The following CFAP95 variants were observed in gnomAD, a reference collection of about 807,000 sequenced individuals.
The protein encoded by CFAP95 is cilia- and flagella-associated protein 95.
chr9:69,891,904 G>A, the CFAP95 span, among the ~76,000 whole-genome samples: 1 of 152,090 alleles, frequency 6.6e-6, no homozygotes, highest in South Asian at 2.1e-4. Flanking sequence ...CCACTGGGAA[G>A]CACTCTTGGA....
the CFAP95 span, among the ~76,000 whole-genome samples, chr9:69,843,529 TCCTCCTCCTCCTCCTCCTCCTCCTC>T: frequency 5.2e-5 from 1 of 19,372 alleles, no homozygotes; most frequent in African/African-American, 2.0e-4. Context: ...CTCCTCCTCC[TCCTCCTCCTCCTCCTCCTCCTCCTC>T]CTCCTTCTTC....
chr9:69,893,104 A>G, the CFAP95 span, among the ~76,000 whole-genome samples: 1 of 152,230 alleles, frequency 6.6e-6, no homozygotes, highest in Non-Finnish European at 1.5e-5. Context: ...CTAAGACAGT[A>G]CACTTTAACA....
the CFAP95 span, among the ~76,000 whole-genome samples, chr9:69,855,076 TTC>T: frequency 6.6e-6 from 1 of 152,224 alleles, no homozygotes; most frequent in Admixed American, 6.5e-5. Context: ...TGTTTTTCCC[TTC>T]TGAGACCATG....
At chr9:69,868,676 A>AG in the CFAP95 span, among the ~76,000 whole-genome samples, 1 of 150,920 alleles carries the variant, frequency 6.6e-6, no homozygotes, top group Non-Finnish European at 1.5e-5. Context: ...AAAAAAAAAA[A>AG]ACCAAAAACA....
At chr9:69,888,223 G>T in the CFAP95 span, among the ~76,000 whole-genome samples, 1 of 152,006 alleles carries the variant, frequency 6.6e-6, no homozygotes, top group South Asian at 2.1e-4. Context: ...GTTTTGAAAA[G>T]GTAGCATAAC....
the CFAP95 span, among the ~76,000 whole-genome samples, chr9:69,821,606 T>C: frequency 1.3e-5 from 2 of 152,054 alleles, no homozygotes; most frequent in African/African-American, 2.4e-5. Context: ...GGGGGTAGGG[T>C]GTACATGGAG....
At chr9:69,830,715 A>C in the CFAP95 span, among the ~76,000 whole-genome samples, 6 of 152,190 alleles carry the variant, frequency 3.9e-5, no homozygotes, top group Non-Finnish European at 7.3e-5. Context: ...TGGCTCAATC[A>C]TAGCTCATGG....
chr9:69,826,008 C>G, the CFAP95 span, among the ~76,000 whole-genome samples: 2 of 151,956 alleles, frequency 1.3e-5, no homozygotes, highest in Non-Finnish European at 2.9e-5. Flanking sequence ...CTTCCTGTCT[C>G]CTATAGGAAG....
At chr9:69,863,108 G>A in the CFAP95 span, among the ~76,000 whole-genome samples, 1 of 152,196 alleles carries the variant, frequency 6.6e-6, no homozygotes, top group East Asian at 1.9e-4. Flanking sequence ...TAGACTTTGA[G>A]TCCCGATTGA....
the CFAP95 span, among the ~76,000 whole-genome samples, chr9:69,851,221 G>A: frequency 1.3e-5 from 2 of 152,012 alleles, no homozygotes; most frequent in African/African-American, 2.4e-5. Flanking sequence ...ACACCCGCAC[G>A]CACAAACATG....
the CFAP95 span, among the ~76,000 whole-genome samples, chr9:69,905,307 GT>G: frequency 6.6e-6 from 1 of 152,188 alleles, no homozygotes; most frequent in African/African-American, 2.4e-5. Flanking sequence ...TAGATAATCA[GT>G]TAAAAGTCTT....
the CFAP95 span, among the ~76,000 whole-genome samples, chr9:69,880,304 C>T: frequency 5.3e-5 from 8 of 152,274 alleles, no homozygotes; most frequent in East Asian, 3.9e-4. Flanking sequence ...CTTCCCTGCC[C>T]TGACTATCCT....
chr9:69,879,228 G>C, the CFAP95 span, among the ~76,000 whole-genome samples: 1 of 152,146 alleles, frequency 6.6e-6, no homozygotes, highest in African/African-American at 2.4e-5. Flanking sequence ...AGTAGATAAT[G>C]ATCTTTGTAA....
chr9:69,905,687 T>G, the CFAP95 span, among the ~76,000 whole-genome samples: 1 of 152,234 alleles, frequency 6.6e-6, no homozygotes, highest in Non-Finnish European at 1.5e-5. Context: ...GCTGTGTATT[T>G]GTGGTTTAGA....
chr9:69,902,394 T>C, the CFAP95 span: 1 of 448,038 alleles, frequency 2.2e-6, no homozygotes. Flanking sequence ...AAACTGTGAG[T>C]GGGATTACAA....
chr9:69,882,730 G>A, the CFAP95 span, among the ~76,000 whole-genome samples: 5 of 152,226 alleles, frequency 3.3e-5, no homozygotes, highest in East Asian at 9.6e-4. Flanking sequence ...CCTTCATTCT[G>A]TTGATATGAT....
chr9:69,866,158 G>A, the CFAP95 span, among the ~76,000 whole-genome samples: 1 of 152,194 alleles, frequency 6.6e-6, no homozygotes. Context: ...TAAACATGGA[G>A]AGAATAATGG....
At chr9:69,903,089 A>T in the CFAP95 span, among the ~76,000 whole-genome samples, 2 of 152,200 alleles carry the variant, frequency 1.3e-5, no homozygotes, top group African/African-American at 4.8e-5. Context: ...ACTTCAGGAA[A>T]GGATTGATAT....
the CFAP95 span, among the ~76,000 whole-genome samples, chr9:69,845,552 T>A: frequency 0.013 from 1,995 of 152,306 alleles, 42 homozygotes; most frequent in African/African-American, 0.046. Context: ...AGATTCTCCA[T>A]TCTGCAAGGT....
Sources: allele counts gnomAD v4.1 joint callset (sites outside exome capture counted in the v4.1 genomes callset), GRCh38; gene constraint gnomAD v4.1.1; transcripts MANE v1.5; gene names NCBI Gene and HGNC (gene_info 2026-07-23, HGNC 2026-07-21).